ZNF395: variants seen among roughly 807,000 people sequenced by gnomAD.
ZNF395 encodes the protein HD gene regulatory region-binding protein 2.
ZNF395 carries 20 observed loss-of-function variants against 57.7 expected under a neutral mutation model. That is an observed-to-expected ratio of 0.35 (90% CI 0.24 to 0.50). ZNF395 has a LOEUF of 0.50. Among genes scored for constraint, ZNF395 ranks in the 20% least tolerant of loss-of-function variants. ZNF395 has a pLI of 0.97. For missense variants in ZNF395, 606 were observed against 671.2 expected, an observed-to-expected ratio of 0.90 and a Z score of 1.07; for synonymous variants, 295 against 275.9, an observed-to-expected ratio of 1.07 and a Z score of -0.69.
In ZNF395 at chr8:28,359,498, A is replaced by G. The variant is rs1473135762; in HGVS notation, c.473+94T>C. ...ATATCTTGGCACCCAGATGCCAATG[A>G]CACCACATTTCTTCCCCACCACAAC... On this transcript the variant is annotated intron_variant, in intron 3 of 9. Coordinates refer to ENST00000344423, the MANE Select transcript of ZNF395 (RefSeq NM_018660.3). The surrounding 1 kb of genome is among the most constrained non-coding windows in gnomAD (Gnocchi z 4.7). 2 of 1,461,342 alleles carry G rather than the reference A, an allele frequency of 1.4e-6. No homozygotes were observed. Among genetic ancestry groups the G allele is most frequent in the African/African-American group, 2.8e-5 (2 of 70,542 alleles). 90.5% of individuals were successfully genotyped at this position (1,461,342 alleles called of 1,614,324 possible).
chr8:28,383,517 C>G (rs546195004), intron 1 of ZNF395, among the ~76,000 whole-genome samples: 1 of 152,150 alleles, frequency 6.6e-6, no homozygotes, highest in Non-Finnish European at 1.5e-5. Flanking sequence ...CATTCTACAC[C>G]GTTCTAACCT....
At chr8:28,372,283 G>A (rs374804393) in intron 1 of ZNF395, among the ~76,000 whole-genome samples, 1 of 152,150 alleles carries the variant, frequency 6.6e-6, no homozygotes, top group Non-Finnish European at 1.5e-5. Context: ...AGGTCTGAGA[G>A]AGGAAACAGT....
At chr8:28,372,798 G>T (rs748461736) in intron 1 of ZNF395, among the ~76,000 whole-genome samples, 7 of 152,100 alleles carry the variant, frequency 4.6e-5, no homozygotes, top group Non-Finnish European at 8.8e-5. Flanking sequence ...GGCCGGCGGG[G>T]ATAAAAAAAG....
Position 28,351,793 on chromosome 8 carries a change from G to C in ZNF395, c.935C>G (p.Ser312Cys), listed in dbSNP as rs142975843. The part of the protein sequence containing the change: ...KALHLGDTVD[S>C]DQFKREEDFY... ...ATCCTCCTCCCGCTTGAACTGATCA[G>C]AGTCCACTGTGTCCCTGTGTGGGAG... The change falls in exon 7 of 10, where the codon TCT becomes TGT. Residue 312 changes from serine (S) to cysteine (C), a missense_variant. Around this residue, in one of 3 missense-constraint regions of ZNF395, gnomAD observed 261 missense variants for 240.3 expected, o/e 1.09. Transcript: ENST00000344423. 6.4e-7 allele frequency: 1 copy of C among 1,557,586 alleles called. No individual in the cohort carries two copies. Among genetic ancestry groups the C allele is most frequent in the Non-Finnish European group, 8.7e-7 (1 of 1,154,302 alleles).
intron 9 of ZNF395, 44 bp downstream of exon 9, chr8:28,349,079 CAG>C: frequency 4.6e-6 from 7 of 1,533,204 alleles, no homozygotes; most frequent in Non-Finnish European, 6.2e-6. Context: ...CCACTGGAGA[CAG>C]GGCACAGAAA....
At chr8:28,379,593 C>T (rs781683390) in intron 1 of ZNF395, among the ~76,000 whole-genome samples, 2 of 152,136 alleles carry the variant, frequency 1.3e-5, no homozygotes, top group Admixed American at 1.3e-4. Context: ...AATCCCAACG[C>T]TTTTTTTCTC....
intron 1 of ZNF395, among the ~76,000 whole-genome samples, chr8:28,377,242 T>C (rs1171939839): frequency 1.3e-5 from 2 of 151,940 alleles, no homozygotes; most frequent in Admixed American, 6.6e-5. Flanking sequence ...TATGCAAAAA[T>C]TTAAAAAAAA....
chr8:28,373,365 G>T (rs1172632845), intron 1 of ZNF395, among the ~76,000 whole-genome samples: 2 of 152,240 alleles, frequency 1.3e-5, no homozygotes, highest in Non-Finnish European at 2.9e-5. Flanking sequence ...GAGAGATAGA[G>T]ATGAAGGCCA....
rs115305293 is a variant in ZNF395, at chr8:28,370,356, G to A, written c.-58-9174C>T. ...AATAAACGGAGTGGAGGAGGGGCTCGCCCAGGGCTCAAACCACTAAGGAAG... is the reference window on the plus strand; with the variant it reads ...AATAAACGGAGTGGAGGAGGGGCTCACCCAGGGCTCAAACCACTAAGGAAG... On this transcript the variant is annotated intron_variant, in intron 1 of 9. Coordinates refer to ENST00000344423, the MANE Select transcript of ZNF395 (RefSeq NM_018660.3). Among the ~76,000 whole-genome samples the A allele has an allele frequency of 1.4e-3, 212 of 152,306 alleles. 1 individual carries two copies. The highest frequency in any genetic ancestry group is 4.3e-3 in the African/African-American group (180 of 41,560).
chr8:28,355,720 G>A (rs1006076430), intron 4 of ZNF395, among the ~76,000 whole-genome samples: 4 of 152,206 alleles, frequency 2.6e-5, no homozygotes, highest in South Asian at 2.1e-4. Context: ...GAGCAGGCAT[G>A]CAATACTAAG....
At chr8:28,363,048 A>C (rs1298173590) in intron 1 of ZNF395, among the ~76,000 whole-genome samples, 1 of 152,078 alleles carries the variant, frequency 6.6e-6, no homozygotes, top group Non-Finnish European at 1.5e-5. Flanking sequence ...AAAAAGGGAG[A>C]CAAATGTAAA....
intron 1 of ZNF395, among the ~76,000 whole-genome samples, chr8:28,368,187 G>C (rs1200294129): frequency 2.0e-5 from 3 of 152,160 alleles, no homozygotes; most frequent in Non-Finnish European, 1.5e-5. Flanking sequence ...ACTGGAGGGA[G>C]GGAACCAGGA....
chr8:28,352,188 C>G lies in ZNF395; in HGVS notation c.921-381G>C, dbSNP rs1010696852. On this transcript the variant is annotated intron_variant, in intron 6 of 9. Coordinates refer to ENST00000344423, the MANE Select transcript of ZNF395 (RefSeq NM_018660.3). The surrounding 1 kb of genome is among the most constrained non-coding windows in gnomAD (Gnocchi z 4.0). ...GCCTGCAAACTCGCTCTGCACAGAA[C>G]ACGGCGGAGGCACCAGGGTGGGGCT... Among the ~76,000 whole-genome samples the G allele has an allele frequency of 2.3e-4, 35 of 152,346 alleles. No homozygotes were observed. The highest frequency in any genetic ancestry group is 8.8e-5 in the Non-Finnish European group (6 of 68,026).
In ZNF395 at chr8:28,356,151, CTTGAAG is replaced by C. The variant is rs1382681875; in HGVS notation, c.583+513_583+518del. On this transcript the variant is annotated intron_variant, in intron 4 of 9. Transcript: ENST00000344423. This position sits in a 1 kb window ranked among gnomAD's most constrained non-coding sequence, Gnocchi z 4.0. ...AGCAATTTTGTTTTAATAAATTTGC[CTTGAAG>C]TTGAATCACTGGTTTTTATTAAGCA... Among the ~76,000 whole-genome samples the C allele has an allele frequency of 5.9e-5, 9 of 152,050 alleles. No homozygotes were observed. The highest frequency in any genetic ancestry group is 2.2e-4 in the African/African-American group (9 of 41,390).
rs766970785 is a variant in ZNF395 at position 28,361,020 on chromosome 8, C to T, written c.105G>A (p.Glu35=). 1.2e-6 allele frequency: 2 copies of T among 1,610,376 alleles called. No homozygotes were observed. Among genetic ancestry groups the T allele is most frequent in the Admixed American group, 3.3e-5 (2 of 59,726 alleles). The change falls in exon 2 of 10, where the codon GAG becomes GAA. Residue 35 remains glutamate, a synonymous_variant. Coordinates refer to ENST00000344423, the MANE Select transcript of ZNF395 (RefSeq NM_018660.3). ...GGGGAGCGGCCCCTTCTAGCAGTGG[C>T]TCCGAGGGTGGGGCAGCCGAGGGCC... ...SEGPSAAPPS[E]PLLEGAAPQP...
chr8:28,360,567 T>C (rs1801835538), intron 2 of ZNF395, among the ~76,000 whole-genome samples: 1 of 152,232 alleles, frequency 6.6e-6, no homozygotes, highest in Non-Finnish European at 1.5e-5. Context: ...TTTGCTAAAG[T>C]TGCAAACTGA....
intron 2 of ZNF395, among the ~76,000 whole-genome samples, chr8:28,360,230 G>C (rs2129958837): frequency 6.6e-6 from 1 of 152,246 alleles, no homozygotes; most frequent in East Asian, 1.9e-4. Flanking sequence ...TGGCAGGGGT[G>C]CAGAGACAGG....
intron 1 of ZNF395, among the ~76,000 whole-genome samples, chr8:28,385,786 G>A (rs999812685): frequency 5.4e-5 from 8 of 148,380 alleles, no homozygotes; most frequent in Admixed American, 3.3e-4. Flanking sequence ...GCCGGCGGAG[G>A]GCGAGGTAAA....
chr8:28,349,396 G>A (rs1012311562), intron 8 of ZNF395, among the ~76,000 whole-genome samples, 168 bp from the exon 9 acceptor site: 1 of 152,220 alleles, frequency 6.6e-6, no homozygotes, highest in Admixed American at 6.5e-5. Context: ...GAGTGAGGAA[G>A]GAGCAGGCCT....
Sources: gnomAD v4.1 joint callset for allele counts (sites outside exome capture counted in the v4.1 genomes callset) on GRCh38, gnomAD v4.1.1 for gene constraint, gnomAD v4.1.1 regional missense constraint, Gnocchi (gnomAD v3.1) non-coding constraint, MANE v1.5 for transcripts, NCBI Gene and HGNC (gene_info 2026-07-23, HGNC 2026-07-21) for gene names.